SHANK1: variants seen among roughly 807,000 people sequenced by gnomAD.
The protein encoded by SHANK1 is SH3 and multiple ankyrin repeat domains 1, also known as SH3 and multiple ankyrin repeat domains protein 1.
In SHANK1, 35 loss-of-function variants were observed where a neutral mutation model predicts 165.6. That is an observed-to-expected ratio of 0.21 (90% CI 0.16 to 0.28). The LOEUF (loss-of-function observed/expected upper bound fraction) is 0.28. Among genes scored for constraint, SHANK1 ranks in the 10% least tolerant of loss-of-function variants. The pLI, the probability that SHANK1 is intolerant of heterozygous loss-of-function variation, is 1.00. For synonymous variants in SHANK1, 1,428 were observed against 1,384.8 expected (o/e 1.03, Z -0.69); for missense variants, 2,681 against 3,036.4 (o/e 0.88, Z 2.75).
At position 50,709,232 on chromosome 19, in the gene SHANK1, G is replaced by A. The variant is rs546085882; in HGVS notation, c.1077+2139C>T. Among the ~76,000 whole-genome samples the A allele has an allele frequency of 1.6e-3, 242 of 151,054 alleles. 1 individual carries two copies. The highest frequency in any genetic ancestry group is 5.2e-3 in the African/African-American group (215 of 41,156). On this transcript the variant is annotated intron_variant, in intron 8 of 23. Coordinates refer to ENST00000293441, the MANE Select transcript of SHANK1 (RefSeq NM_016148.5). Reference sequence around the variant, plus strand: ...TGGCTCACTGCAAACTCCGCCTCCCGGGTTCACGCCATTCTCCTGTCTCAG... The same window carrying A: ...TGGCTCACTGCAAACTCCGCCTCCCAGGTTCACGCCATTCTCCTGTCTCAG...
intron 15 of SHANK1, among the ~76,000 whole-genome samples, chr19:50,694,588 G>T (rs1339907912): frequency 1.9e-5 from 2 of 105,846 alleles, no homozygotes; most frequent in South Asian, 9.3e-4. Flanking sequence ...GGTCTTGGGG[G>T]AAGAGCAGAG....
chr19:50,667,430 G>T lies in SHANK1; in HGVS notation c.4530C>A (p.Pro1510=). 1.3e-6 allele frequency: 2 copies of T among 1,524,524 alleles called. No homozygotes were observed. Among genetic ancestry groups the T allele is most frequent in the Non-Finnish European group, 1.7e-6 (2 of 1,143,618 alleles). 94.4% of individuals were successfully genotyped at this position (1,524,524 alleles called of 1,614,324 possible). A position where few individuals can be genotyped will look rare whatever the true frequency, so the allele number is the denominator to read the frequency against. The stretch of plus-strand genomic sequence containing the variant: ...GGACCCCCGGCCCGTCCTCCGAGGG[G>T]GGACCCCTTCCGCTCGTCACAGGGG... ...PRAPVTSGRG[P]PSEDGPGVPP... is the part of the protein sequence containing the mutation. Residue 1510 remains proline (P), a synonymous_variant, in exon 23 of 24, where the codon CCC becomes CCA. Coordinates refer to ENST00000293441, the MANE Select transcript of SHANK1 (RefSeq NM_016148.5). The surrounding 1 kb of genome is among the most constrained non-coding windows in gnomAD (Gnocchi z 5.7).
chr19:50,679,883 T>C (rs541700639), intron 21 of SHANK1, among the ~76,000 whole-genome samples: 1 of 139,102 alleles, frequency 7.2e-6, no homozygotes, highest in South Asian at 2.3e-4. Flanking sequence ...AAGGCAAAGA[T>C]GGGGAGAGAG....
chr19:50,667,426 A>AG lies in SHANK1; in HGVS notation c.4533dup (p.Ser1512LeufsTer117). 6.6e-7 allele frequency: 1 copy of AG among 1,521,000 alleles called. No homozygotes were observed. Among genetic ancestry groups the AG allele is most frequent in the South Asian group, 1.2e-5 (1 of 81,098 alleles). 94.2% of individuals were successfully genotyped at this position (1,521,000 alleles called of 1,614,324 possible). On this transcript the variant is annotated frameshift_variant, in exon 23 of 24. Coordinates refer to ENST00000293441, the MANE Select transcript of SHANK1 (RefSeq NM_016148.5). LOFTEE classifies it high-confidence loss of function. The surrounding 1 kb of genome is among the most constrained non-coding windows in gnomAD (Gnocchi z 5.7). ...GGCGGGACCCCCGGCCCGTCCTCCG[A>AG]GGGGGGACCCCTTCCGCTCGTCACA...
At position 50,704,126 on chromosome 19, in the gene SHANK1, C is replaced by A; in HGVS notation, c.1216G>T (p.Asp406Tyr). 1 of 1,613,888 alleles carries A rather than the reference C, an allele frequency of 6.2e-7. No homozygotes were observed. Among genetic ancestry groups the A allele is most frequent in the Non-Finnish European group, 8.5e-7 (1 of 1,179,948 alleles). Residue 406 changes from aspartate (D) to tyrosine (Y), a missense_variant, in exon 10 of 24, where the codon GAT becomes TAT. By Grantham distance (160) the Asp-to-Tyr change is radical. Around this residue, in one of 10 missense-constraint regions of SHANK1, gnomAD observed 49 missense variants for 55.6 expected, o/e 0.88. Coordinates refer to ENST00000293441, the MANE Select transcript of SHANK1 (RefSeq NM_016148.5). ...GELIRNHREQ[D>Y]VVPFQESPKY... ...CGAGCTCCCTGTCACTCACCCACAT[C>A]CTGTTCTCGGTGGTTTCGGATCAGC...
rs1170894932 is a variant in SHANK1, at chr19:50,714,611, T to G, written c.532-321A>C. Among the ~76,000 whole-genome samples the G allele has an allele frequency of 2.0e-5, 3 of 151,112 alleles. No homozygotes were observed. The East Asian group carries it at 5.9e-4, about 29-fold the overall frequency. On this transcript the variant is annotated intron_variant, in intron 4 of 23. Coordinates refer to ENST00000293441, the MANE Select transcript of SHANK1 (RefSeq NM_016148.5). ...TCGGGAGGCTGAGCTGGAAGGATCC[T>G]TTGAACCCTGAAAGGTTGAGGCTGC...
rs1193037627 is a variant in SHANK1, at chr19:50,713,530, C to T, written c.792+268G>A. 1.3e-5 allele frequency among the ~76,000 whole-genome samples: 2 copies of T among 151,946 alleles called. No homozygotes were observed. The highest frequency in any genetic ancestry group is 4.8e-5 in the African/African-American group (2 of 41,346). On this transcript the variant is annotated intron_variant, in intron 6 of 23. Transcript: ENST00000293441. This position sits in a 1 kb window ranked among gnomAD's most constrained non-coding sequence, Gnocchi z 6.2. The stretch of plus-strand genomic sequence containing the variant: ...GAGGCAGATTTGGTATTAAGCTGGG[C>T]CACAGGGGATGGAGACGTTCTGGGT...
intron 6 of SHANK1, among the ~76,000 whole-genome samples, chr19:50,712,832 G>C (rs895225336): frequency 2.0e-5 from 3 of 152,344 alleles, no homozygotes; most frequent in Non-Finnish European, 4.4e-5. Flanking sequence ...CTTGAACGTG[G>C]CTAGTGAGCC....
At position 50,694,245 on chromosome 19, in the gene SHANK1, A is replaced by T. The variant is rs554441137; in HGVS notation, c.1964+2851T>A. 2.2e-3 allele frequency among the ~76,000 whole-genome samples: 335 copies of T among 151,662 alleles called. 2 individuals are homozygous for T. Among genetic ancestry groups the T allele is most frequent in the African/African-American group, 8.0e-3 (331 of 41,360 alleles). On this transcript the variant is annotated intron_variant, in intron 15 of 23. Coordinates refer to ENST00000293441, the MANE Select transcript of SHANK1 (RefSeq NM_016148.5). ...GGCAGTCACACACACGCACATCGAC[A>T]CAGCCACACTGACACACGCACCGTC...
intron 21 of SHANK1, among the ~76,000 whole-genome samples, chr19:50,677,310 T>C (rs1261323567): frequency 6.6e-6 from 1 of 152,070 alleles, no homozygotes; most frequent in African/African-American, 2.4e-5. Flanking sequence ...GTATTTTTAG[T>C]AGAGACAGGG....
At chr19:50,674,580 G>C (rs768562794) in intron 21 of SHANK1, among the ~76,000 whole-genome samples, 3 of 152,010 alleles carry the variant, frequency 2.0e-5, no homozygotes, top group Non-Finnish European at 2.9e-5. Context: ...CCTCCACCCT[G>C]GCCCGGCTAC....
Position 50,697,582 on chromosome 19 carries a change from C to T in SHANK1, c.1937+7G>A, listed in dbSNP as rs1986782392. 1 of 1,612,002 alleles carries T rather than the reference C, an allele frequency of 6.2e-7. No individual in the cohort carries two copies. The highest frequency in any genetic ancestry group is 1.3e-5 in the African/African-American group (1 of 74,882). ...GGGGGGTTGCCCGAGGGTGTAAGGA[C>T]ATTTACCTTGGGGCATCAAAGCTGT... On this transcript the variant is annotated splice_region_variant and intron_variant, in intron 14 of 23. Transcript: ENST00000293441. This position sits in a 1 kb window ranked among gnomAD's most constrained non-coding sequence, Gnocchi z 4.7.
rs995574273 is a variant in SHANK1, at chr19:50,719,794, G to T, written c.-432C>A. Among the ~76,000 whole-genome samples, 1 of 150,190 alleles carries T rather than the reference G, an allele frequency of 6.7e-6. No homozygotes were observed. The highest frequency in any genetic ancestry group is 2.5e-5 in the African/African-American group (1 of 40,760). ...CCACCCTTCTCGCTCTCTCGCTCTC[G>T]CTGTCTCTCCCTCACCCTGTCTCTC... On this transcript the variant is annotated 5_prime_UTR_variant, in exon 1 of 24. Transcript: ENST00000293441.
At position 50,688,628 on chromosome 19, in the gene SHANK1, T is replaced by G. The variant is rs1280864765; in HGVS notation, c.2172+216A>C. On this transcript the variant is annotated intron_variant, in intron 17 of 23. Coordinates refer to ENST00000293441, the MANE Select transcript of SHANK1 (RefSeq NM_016148.5). This position sits in a 1 kb window ranked among gnomAD's most constrained non-coding sequence, Gnocchi z 6.7. ...TGGCCATCCCCCGGTATTGTGTATG[T>G]GTTGGGGACAGCTCTGTGTCACTCT... is the stretch of plus-strand genomic sequence containing the variant. Among the ~76,000 whole-genome samples the G allele has an allele frequency of 6.6e-6, 1 of 152,100 alleles. No homozygotes were observed. Among genetic ancestry groups the G allele is most frequent in the African/African-American group, 2.4e-5 (1 of 41,410 alleles).
chr19:50,689,482 C>G (rs921710420), intron 15 of SHANK1: 4 of 691,106 alleles, frequency 5.8e-6, no homozygotes, highest in Non-Finnish European at 1.1e-5. Flanking sequence ...GGCATGCTCT[C>G]TCTCTCACTC....
rs1406702100 is a variant in SHANK1, at chr19:50,659,605, GT to G, written c.*2359del. Among the ~76,000 whole-genome samples the G allele has an allele frequency of 2.2e-5, 3 of 135,240 alleles. No individual in the cohort carries two copies. Among genetic ancestry groups the G allele is most frequent in the African/African-American group, 5.6e-5 (2 of 35,554 alleles). 88.7% of individuals were successfully genotyped at this position (135,240 alleles called of 152,430 possible). On this transcript the variant is annotated 3_prime_UTR_variant, in exon 24 of 24. Transcript: ENST00000293441. The stretch of plus-strand genomic sequence containing the variant: ...GACAATTCTCGGGCTTTTATTTCAG[GT>G]TTTTTTTCTGGATTTTTTTGTGTGT...
In SHANK1 at chr19:50,711,822, G is replaced by A; in HGVS notation, c.960+125C>T. ...TCACCCCCACCATTTCCTCTTTGGG[G>A]ACCATGTTATTCTCACCCCCATGCT... On this transcript the variant is annotated intron_variant, in intron 7 of 23. Transcript: ENST00000293441. The A allele has an allele frequency of 4.5e-6, 5 of 1,109,688 alleles. No homozygotes were observed. In the South Asian group the frequency reaches 5.7e-5, roughly 13 times the overall value. 68.7% of individuals were successfully genotyped at this position (1,109,688 alleles called of 1,614,324 possible).
intron 5 of SHANK1, 90 bp downstream of exon 5, chr19:50,714,092 C>A: frequency 6.6e-7 from 1 of 1,524,904 alleles, no homozygotes; most frequent in Non-Finnish European, 9.0e-7. Flanking sequence ...TGGGAGACAC[C>A]AGTCAGGAAT....
chr19:50,702,598 C>A lies in SHANK1; in HGVS notation c.1616G>T (p.Gly539Val), dbSNP rs759377133. The A allele has an allele frequency of 2.5e-6, 4 of 1,597,312 alleles. No individual in the cohort carries two copies. The highest frequency in any genetic ancestry group is 1.1e-5 in the South Asian group (1 of 89,384). The change falls in exon 12 of 24, where the codon GGC becomes GTC. Residue 539 changes from glycine to valine, a missense_variant. Coordinates refer to ENST00000293441, the MANE Select transcript of SHANK1 (RefSeq NM_016148.5). The surrounding 1 kb of genome is among the most constrained non-coding windows in gnomAD (Gnocchi z 5.3). ...GGTGGSGGPGGSLGSRGRRRK... is the reference protein window; with the variant it reads ...GGTGGSGGPGVSLGSRGRRRK... ...CCGCCTCCCGCGGCTGCCCAGGGAG[C>A]CCCCGGGGCCCCCTGAGCCCCCCGT... is the stretch of plus-strand genomic sequence containing the variant.
Sources: gnomAD v4.1 joint callset for allele counts (sites outside exome capture counted in the v4.1 genomes callset) on GRCh38, gnomAD v4.1.1 for gene constraint, gnomAD v4.1.1 regional missense constraint, Gnocchi (gnomAD v3.1) non-coding constraint, MANE v1.5 for transcripts, NCBI Gene and HGNC (gene_info 2026-07-23, HGNC 2026-07-21) for gene names.